Variants in ZC3H7B observed in about 807,000 individuals in gnomAD.
ZC3H7B encodes the protein zinc finger CCCH-type containing 7B.
ZC3H7B carries 35 observed loss-of-function variants against 116.0 expected under a neutral mutation model. The observed-to-expected ratio is 0.30, with a 90% CI of 0.23 to 0.40. ZC3H7B has a LOEUF of 0.40. ZC3H7B is among the 10% of genes least tolerant of loss of function. The pLI, the probability that ZC3H7B is intolerant of heterozygous loss-of-function variation, is 1.00. For synonymous variants in ZC3H7B, 502 were observed against 545.6 expected, an observed-to-expected ratio of 0.92 and a Z score of 1.11; for missense variants, 1,011 against 1,321.5, an observed-to-expected ratio of 0.77 and a Z score of 3.64.
At chr22:41,319,325 C>T (rs1406402102) in intron 1 of ZC3H7B, among the ~76,000 whole-genome samples, 7 of 152,098 alleles carry the variant, frequency 4.6e-5, no homozygotes, top group South Asian at 2.1e-4. Flanking sequence ...CGCTTGAACC[C>T]GGGAGGTGGA....
At chr22:41,356,285 G>A in intron 20 of ZC3H7B, 58 bp from the exon 21 acceptor site, 1 of 1,606,248 alleles carries the variant, frequency 6.2e-7, no homozygotes, top group South Asian at 1.1e-5. Context: ...TGGGGACCAT[G>A]GGGCAGAATG....
rs2036741500 is a variant in ZC3H7B at position 41,357,719 on chromosome 22, G to C, written c.*290G>C. On this transcript the variant is annotated 3_prime_UTR_variant, in exon 23 of 23. Transcript: ENST00000352645. This position sits in a 1 kb window ranked among gnomAD's most constrained non-coding sequence, Gnocchi z 5.4. The stretch of plus-strand genomic sequence containing the variant: ...GGCCTGGCTGACCCCTCCAGCTTCA[G>C]CCTCCAGCTTTAACTTCTGTCTGCT... The C allele has an allele frequency of 2.1e-6, 1 of 484,870 alleles. No homozygotes were observed. The allele number at this position is 484,870 out of a possible 1,614,324, so 30.0% of individuals were successfully genotyped here. A position where few individuals can be genotyped will look rare whatever the true frequency, so the allele number is the denominator to read the frequency against.
Position 41,340,103 on chromosome 22 carries a change from A to T in ZC3H7B, c.1104A>T (p.Thr368=), listed in dbSNP as rs1230889616. 2 of 1,611,050 alleles carry T rather than the reference A, an allele frequency of 1.2e-6. No homozygotes were observed. The highest frequency in any genetic ancestry group is 1.7e-6 in the Non-Finnish European group (2 of 1,179,304). The change falls in exon 10 of 23, where the codon ACA becomes ACT. Residue 368 remains threonine (T), a synonymous_variant. Transcript: ENST00000352645. ...ATGCACTCGACAGCTTTGGGTCGAC[A>T]CGAGGCTCCCTGGACAAACCTGACT... ...RLDALDSFGS[T]RGSLDKPDSF... is the part of the protein sequence containing the mutation.
At position 41,338,739 on chromosome 22, in the gene ZC3H7B, C is replaced by T. The variant is rs901176448; in HGVS notation, c.626-262C>T. 1.1e-4 allele frequency among the ~76,000 whole-genome samples: 16 copies of T among 152,248 alleles called. No individual in the cohort carries two copies. The highest frequency in any genetic ancestry group is 4.6e-4 in the Admixed American group (7 of 15,286). On this transcript the variant is annotated intron_variant, in intron 8 of 22. Transcript: ENST00000352645. The surrounding 1 kb of genome is among the most constrained non-coding windows in gnomAD (Gnocchi z 4.5). The stretch of plus-strand genomic sequence containing the variant: ...TGCTTACCCCAGAAGAAGGAGGCAG[C>T]AGTGGTGGACATTTAGGCATTGAGC...
At chr22:41,319,451 TC>T (rs1253493193) in intron 1 of ZC3H7B, among the ~76,000 whole-genome samples, 1 of 150,920 alleles carries the variant, frequency 6.6e-6, no homozygotes, top group Non-Finnish European at 1.5e-5. Context: ...GTGCTTATAG[TC>T]CCAGCTACTT....
At chr22:41,307,066 C>T (rs936803314) in intron 1 of ZC3H7B, among the ~76,000 whole-genome samples, 2 of 151,562 alleles carry the variant, frequency 1.3e-5, no homozygotes, top group Admixed American at 1.3e-4. Flanking sequence ...CTCTGCCTCC[C>T]GGGTTCAAGC....
chr22:41,325,537 A>G, intron 2 of ZC3H7B, 27 bp from the exon 3 acceptor site: 2 of 1,603,578 alleles, frequency 1.2e-6, no homozygotes, highest in Non-Finnish European at 1.7e-6. Context: ...GGGCTCACCC[A>G]GGCCTCGTGT....
At position 41,355,856 on chromosome 22, in the gene ZC3H7B, A is replaced by G. The variant is rs1251903974; in HGVS notation, c.2268A>G (p.Gln756=). 1.2e-6 allele frequency: 2 copies of G among 1,613,796 alleles called. No individual in the cohort carries two copies. Among genetic ancestry groups the G allele is most frequent in the Admixed American group, 1.7e-5 (1 of 60,000 alleles). Residue 756 remains glutamine (Q), a synonymous_variant, in exon 19 of 23, where the codon CAA becomes CAG. Coordinates refer to ENST00000352645, the MANE Select transcript of ZC3H7B (RefSeq NM_017590.6). ...CATCCATTCGTAACTTCCCACAGCA[A>G]TACGATGTGAGCGCTGGGATGGGGG... ...PLPSIRNFPQ[Q]YDLCIHAQNG... is the part of the protein sequence containing the mutation.
At chr22:41,353,079 C>CAA (rs111438065) in intron 17 of ZC3H7B, among the ~76,000 whole-genome samples, 1 of 134,498 alleles carries the variant, frequency 7.4e-6, no homozygotes, top group African/African-American at 2.7e-5. Flanking sequence ...GACTCCATCT[C>CAA]AAAAAAAAAA....
At chr22:41,324,847 G>A (rs931466423) in intron 2 of ZC3H7B, among the ~76,000 whole-genome samples, 4 of 152,160 alleles carry the variant, frequency 2.6e-5, no homozygotes, top group South Asian at 2.1e-4. Flanking sequence ...CCCAAGGCCT[G>A]TTCTAGGTGT....
At chr22:41,325,313 C>T (rs1288750241) in intron 2 of ZC3H7B, among the ~76,000 whole-genome samples, 1 of 151,946 alleles carries the variant, frequency 6.6e-6, no homozygotes. Context: ...GGAGGTGGGG[C>T]TGGGGTCAGT....
At chr22:41,320,814 T>C in intron 2 of ZC3H7B, 101 bp downstream of exon 2, 1 of 1,534,056 alleles carries the variant, frequency 6.5e-7, no homozygotes, top group Non-Finnish European at 9.0e-7. Context: ...TGCTGAGCCT[T>C]TGCTGCCAAG....
Position 41,332,118 on chromosome 22 carries a change from G to C in ZC3H7B, c.526-53G>C, listed in dbSNP as rs901730670. 1.9e-6 allele frequency: 3 copies of C among 1,604,416 alleles called. No individual in the cohort carries two copies. In the African/African-American group the frequency reaches 4.0e-5, roughly 21 times the overall value. ...TTGCTGCCCCAGCTAAGGGGACCTT[G>C]AGCATCTTTTCAGAATCTTTACCTC... is the stretch of plus-strand genomic sequence containing the variant. On this transcript the variant is annotated intron_variant, in intron 6 of 22. Transcript: ENST00000352645.
In ZC3H7B at chr22:41,356,414, C is replaced by A; in HGVS notation, c.2455C>A (p.Pro819Thr). The change falls in exon 21 of 23, where the codon CCC (proline) becomes ACC (threonine). Residue 819 changes from proline to threonine, a missense_variant. Transcript: ENST00000352645. Reference protein sequence around the residue: ...HNPGKPGEGTPISSREGEKQI... With the variant: ...HNPGKPGEGTTISSREGEKQI... ...CCCAGGAAAGCCTGGAGAAGGGACC[C>A]CCATCAGTTCTCGGGAAGGGGAGAA... 1 of 1,614,150 alleles carries A rather than the reference C, an allele frequency of 6.2e-7. No individual in the cohort carries two copies. Among genetic ancestry groups the A allele is most frequent in the South Asian group, 1.1e-5 (1 of 91,080 alleles).
chr22:41,319,391 A>C (rs908304189), intron 1 of ZC3H7B, among the ~76,000 whole-genome samples: 1 of 150,184 alleles, frequency 6.7e-6, no homozygotes, highest in South Asian at 2.1e-4. Flanking sequence ...ACAGAGCAGA[A>C]CTCCCTCTCA....
chr22:41,324,263 G>C (rs370600806), intron 2 of ZC3H7B, among the ~76,000 whole-genome samples: 1 of 152,148 alleles, frequency 6.6e-6, no homozygotes, highest in African/African-American at 2.4e-5. Flanking sequence ...AGGCAAGTGA[G>C]AGGTGGGCTG....
In ZC3H7B at chr22:41,357,821, C is replaced by T. The variant is rs118004003; in HGVS notation, c.*392C>T. 1.9e-3 allele frequency: 510 copies of T among 262,184 alleles called. 17 individuals carry two copies. The East Asian group carries it at 0.041, about 21-fold the overall frequency. The allele number at this position is 262,184 out of a possible 1,614,324, so 16.2% of individuals were successfully genotyped here. On this transcript the variant is annotated 3_prime_UTR_variant, in exon 23 of 23. Transcript: ENST00000352645. The surrounding 1 kb of genome is among the most constrained non-coding windows in gnomAD (Gnocchi z 5.4). ...ATCTCCAGCAGGAGGGTCCTTCTCT[C>T]CCTGGCCCGTCCTCCTCCCACCCCC...
At chr22:41,355,437 C>T in intron 17 of ZC3H7B, 32 bp from the exon 18 acceptor site, 1 of 1,611,802 alleles carries the variant, frequency 6.2e-7, no homozygotes, top group Non-Finnish European at 8.5e-7. Flanking sequence ...GTGCCTGCAG[C>T]TTCACCAACC....
intron 14 of ZC3H7B, among the ~76,000 whole-genome samples, chr22:41,347,385 C>A (rs2036600421): frequency 6.6e-6 from 1 of 152,236 alleles, no homozygotes; most frequent in Non-Finnish European, 1.5e-5. Flanking sequence ...GGTTTGCCCT[C>A]CCCACAGGGC....
Sources: allele counts gnomAD v4.1 joint callset (sites outside exome capture counted in the v4.1 genomes callset), GRCh38; gene constraint gnomAD v4.1.1; non-coding constraint Gnocchi (gnomAD v3.1); transcripts MANE v1.5; gene names NCBI Gene and HGNC (gene_info 2026-07-23, HGNC 2026-07-21).